The following MRNIP variants were observed in gnomAD, a reference collection of about 807,000 sequenced individuals.
The protein encoded by MRNIP is MRN complex interacting protein, also known as MRN complex-interacting protein.
A neutral mutation model predicts 29.8 loss-of-function variants in MRNIP; 30 were observed. The ratio of observed to expected loss-of-function variants is 1.01; its 90% confidence interval spans 0.75 to 1.36. The LOEUF (loss-of-function observed/expected upper bound fraction) is 1.36, where lower values mean the gene tolerates loss of function less well. Among genes scored for constraint, MRNIP ranks in the 40% most tolerant of loss-of-function variants. The probability of loss-of-function intolerance (pLI) is 0.00; values close to 1 mark genes in which losing one functional copy is unlikely to be tolerated. For synonymous variants in MRNIP, 201 were observed against 164.1 expected (o/e 1.23, Z -1.72); for missense variants, 459 against 423.5 (o/e 1.08, Z -0.74).
chr5:179,845,201 TTTC>T (rs146806814), intron 3 of MRNIP, among the ~76,000 whole-genome samples: 16,698 of 152,074 alleles, frequency 0.11, 2,090 homozygotes, highest in African/African-American at 0.31. Flanking sequence ...GAATTTTTAA[TTTC>T]TTCTTTTTTT....
rs764971145 is a variant in MRNIP, at chr5:179,837,395, A to ACAT, written c.1025_1027dup (p.Asp342dup). ...TAATAACCTGCCAGTCCCAGATCACACATCATCATCGAAGTCTTCCCCAGT... is the reference window on the plus strand; with the variant it reads ...TAATAACCTGCCAGTCCCAGATCACACATCATCATCATCGAAGTCTTCCCCAGT... On this transcript the variant is annotated inframe_insertion, in exon 7 of 7. Coordinates refer to ENST00000292586, the MANE Select transcript of MRNIP (RefSeq NM_016175.4). The ACAT allele has an allele frequency of 8.2e-6, 13 of 1,589,640 alleles. No homozygotes were observed. Among genetic ancestry groups the ACAT allele is most frequent in the Admixed American group, 1.7e-5 (1 of 57,448 alleles).
At chr5:179,842,119 C>T (rs755997251) in intron 4 of MRNIP, 55 bp from the exon 5 acceptor site, 44 of 1,563,668 alleles carry the variant, frequency 2.8e-5, no homozygotes, top group African/African-American at 1.6e-4. Context: ...GCAGTTTTAT[C>T]GAAAACCCCT....
intron 4 of MRNIP, among the ~76,000 whole-genome samples, chr5:179,843,079 G>GAGGC (rs202216040): frequency 1.5e-5 from 2 of 136,902 alleles, no homozygotes; most frequent in African/African-American, 2.6e-5. Flanking sequence ...GGGAGGGAGG[G>GAGGC]AGGCAGGCAA....
chr5:179,846,788 G>T (rs183220023), intron 3 of MRNIP, among the ~76,000 whole-genome samples: 1 of 152,220 alleles, frequency 6.6e-6, no homozygotes, highest in East Asian at 1.9e-4. Context: ...CATTGCCAAG[G>T]TCAATACAGG....
intron 2 of MRNIP, 93 bp from the exon 3 acceptor site, chr5:179,848,159 T>C: frequency 1.0e-6 from 1 of 953,176 alleles, no homozygotes; most frequent in Non-Finnish European, 1.7e-6. Flanking sequence ...AGGACAAAGC[T>C]GTATTCTGCA....
chr5:179,846,993 G>A (rs1224537445), intron 3 of MRNIP: 1 of 152,102 alleles, frequency 6.6e-6, no homozygotes, highest in Non-Finnish European at 1.5e-5. Context: ...CACCCCAGCA[G>A]CTCAGGTGCT....
At chr5:179,848,357 A>T (rs186111485) in intron 2 of MRNIP, among the ~76,000 whole-genome samples, 103 of 148,250 alleles carry the variant, frequency 6.9e-4, no homozygotes, top group African/African-American at 2.7e-3. Flanking sequence ...GTTAGTGCAC[A>T]TGAGTAAAAA....
At chr5:179,844,570 G>A (rs756296524) in intron 3 of MRNIP, among the ~76,000 whole-genome samples, 49 of 152,008 alleles carry the variant, frequency 3.2e-4, no homozygotes, top group Non-Finnish European at 4.7e-4. Context: ...CCACAGGCAC[G>A]CACCACTACG....
intron 2 of MRNIP, among the ~76,000 whole-genome samples, chr5:179,852,029 G>A (rs1172012676): frequency 1.3e-5 from 2 of 151,730 alleles, no homozygotes; most frequent in African/African-American, 2.4e-5. Context: ...CCAACATTAT[G>A]AAATGTTTTT....
intron 4 of MRNIP, among the ~76,000 whole-genome samples, chr5:179,843,179 T>C (rs1482352885): frequency 6.6e-6 from 1 of 151,990 alleles, no homozygotes; most frequent in African/African-American, 2.4e-5. Context: ...AATACTTTTG[T>C]TTTTTGAGAC....
chr5:179,842,799 G>A (rs914442186), intron 4 of MRNIP, among the ~76,000 whole-genome samples: 3 of 151,390 alleles, frequency 2.0e-5, no homozygotes, highest in African/African-American at 7.3e-5. Flanking sequence ...GTGGGAGGCT[G>A]AGGCGGGCGG....
chr5:179,854,763 CATA>C (rs1759511444), intron 1 of MRNIP, among the ~76,000 whole-genome samples: 3 of 151,106 alleles, frequency 2.0e-5, no homozygotes, highest in Admixed American at 2.0e-4. Context: ...AAAAAAATTC[CATA>C]ATATTTAAAT....
intron 1 of MRNIP, among the ~76,000 whole-genome samples, chr5:179,858,245 A>G (rs1301310491): frequency 6.6e-6 from 1 of 152,190 alleles, no homozygotes; most frequent in Non-Finnish European, 1.5e-5. Context: ...TCTGTCTTTA[A>G]GACTCCGGGG....
intron 1 of MRNIP, among the ~76,000 whole-genome samples, chr5:179,858,195 GA>G (rs74588210): frequency 0.41 from 62,383 of 151,972 alleles, 14,255 homozygotes; most frequent in East Asian, 0.78. Context: ...CTGGCACGCT[GA>G]AAGTTAGGGA....
chr5:179,847,893 G>T, intron 3 of MRNIP, 85 bp downstream of exon 3: 1 of 937,114 alleles, frequency 1.1e-6, no homozygotes, highest in Non-Finnish European at 1.7e-6. Flanking sequence ...AGAGTGCCCA[G>T]CTCAGGATTT....
intron 3 of MRNIP, among the ~76,000 whole-genome samples, chr5:179,845,166 A>G (rs897266541): frequency 6.6e-6 from 1 of 151,508 alleles, no homozygotes; most frequent in Non-Finnish European, 1.5e-5. Flanking sequence ...CTTCAGCTGC[A>G]TTTAATCTGT....
chr5:179,853,247 C>T (rs1032236658), intron 2 of MRNIP, 131 bp downstream of exon 2: 48 of 1,568,650 alleles, frequency 3.1e-5, no homozygotes, highest in Middle Eastern at 3.3e-4. Context: ...ACAGGAAGCT[C>T]GGAAGCAGGA....
intron 5 of MRNIP, chr5:179,841,667 G>A (rs879852669): frequency 1.8e-6 from 1 of 558,154 alleles, no homozygotes; most frequent in Admixed American, 3.2e-5. Flanking sequence ...AATTAAGTGG[G>A]CATCATAAAG....
intron 6 of MRNIP, chr5:179,839,943 C>G (rs1412525439): frequency 2.0e-5 from 3 of 149,658 alleles, no homozygotes; most frequent in African/African-American, 7.5e-5. Context: ...GCCTGGGCAA[C>G]ATAGTGAGAC....
Sources: gnomAD v4.1 joint callset for allele counts (sites outside exome capture counted in the v4.1 genomes callset) on GRCh38, gnomAD v4.1.1 for gene constraint, MANE v1.5 for transcripts, NCBI Gene and HGNC (gene_info 2026-07-23, HGNC 2026-07-21) for gene names.